DNAAF9: variants seen among roughly 807,000 people sequenced by gnomAD.
DNAAF9 encodes the protein dynein axonemal assembly factor 9.
In DNAAF9, 90 loss-of-function variants were observed where a neutral mutation model predicts 167.0. The ratio of observed to expected loss-of-function variants is 0.54; its 90% confidence interval spans 0.45 to 0.64. The LOEUF (loss-of-function observed/expected upper bound fraction) is 0.64. DNAAF9 is among the 30% of genes least tolerant of loss of function. The pLI, the probability that DNAAF9 is intolerant of heterozygous loss-of-function variation, is 0.00. For synonymous variants in DNAAF9, 491 were observed against 508.8 expected (o/e 0.96, Z 0.47); for missense variants, 1,315 against 1,442.2 (o/e 0.91, Z 1.43).
At position 3,251,436 on chromosome 20, in the gene DNAAF9, G is replaced by A. The variant is rs1183377640; in HGVS notation, c.*1136C>T. ...ACATCACCTAAATATCAGTGGCTGT[G>A]ACTCCCCTGTCCCCCACACCAATTA... On this transcript the variant is annotated 3_prime_UTR_variant, in exon 37 of 37. Transcript: ENST00000252032. 7 of 152,208 alleles carry A rather than the reference G, an allele frequency of 4.6e-5. No homozygotes were observed. Among genetic ancestry groups the A allele is most frequent in the African/African-American group, 1.7e-4 (7 of 41,428 alleles). The allele number at this position is 152,208 out of a possible 1,614,324, so 9.4% of individuals were successfully genotyped here.
At chr20:3,285,753 C>A (rs1049437438) in intron 27 of DNAAF9, among the ~76,000 whole-genome samples, 2 of 148,912 alleles carry the variant, frequency 1.3e-5, no homozygotes, top group Non-Finnish European at 3.0e-5. Context: ...CTGAGGTGGG[C>A]GGATCACCTG....
rs200482073 is a variant in DNAAF9 at position 3,294,208 on chromosome 20, C to T, written c.2169G>A (p.Met723Ile). The change falls in exon 25 of 37, where the codon ATG (methionine) becomes ATA (isoleucine). Residue 723 changes from methionine (M) to isoleucine (I), a missense_variant. By Grantham distance (10) the Met-to-Ile change is conservative. This residue lies in a region of DNAAF9 where 981 missense variants were observed against 1,012.5 expected (regional missense o/e 0.97). Coordinates refer to ENST00000252032, the MANE Select transcript of DNAAF9 (RefSeq NM_001009984.3). ...GCAGCAGCACAGGAAGATGGGTCCG[C>T]ATCACAGGCTCCTGGCTAATGCTGC... Reference protein sequence around the residue: ...AISSISQEPVMRTHLPVLLQQ... With the variant: ...AISSISQEPVIRTHLPVLLQQ... 17 of 1,613,502 alleles carry T rather than the reference C, an allele frequency of 1.1e-5. No individual in the cohort carries two copies. The East Asian group carries it at 3.8e-4, about 36-fold the overall frequency.
chr20:3,310,157 A>G (rs1293763616), intron 20 of DNAAF9, among the ~76,000 whole-genome samples: 1 of 151,728 alleles, frequency 6.6e-6, no homozygotes, highest in African/African-American at 2.4e-5. Context: ...GTGCCATTGC[A>G]CTCTAGCCCA....
intron 30 of DNAAF9, among the ~76,000 whole-genome samples, chr20:3,267,130 G>A (rs1030775176): frequency 2.6e-5 from 4 of 152,184 alleles, no homozygotes; most frequent in Admixed American, 1.3e-4. Flanking sequence ...GGGATTACAG[G>A]TGTGAGCCAC....
At chr20:3,316,855 C>A in intron 17 of DNAAF9, 62 bp from the exon 18 acceptor site, 1 of 1,190,208 alleles carries the variant, frequency 8.4e-7, no homozygotes, top group Non-Finnish European at 1.2e-6. Context: ...CTTGCAGGCC[C>A]CAGACCCTAA....
intron 1 of DNAAF9, among the ~76,000 whole-genome samples, chr20:3,405,419 A>G (rs896768417): frequency 6.6e-6 from 1 of 152,206 alleles, no homozygotes; most frequent in Non-Finnish European, 1.5e-5. Context: ...AGTAACATTC[A>G]ATGTCAAGAG....
At chr20:3,275,425 C>T (rs2068660753) in intron 29 of DNAAF9, among the ~76,000 whole-genome samples, 1 of 152,164 alleles carries the variant, frequency 6.6e-6, no homozygotes, top group African/African-American at 2.4e-5. Context: ...GCCTGGCCTG[C>T]CCAAGAAAAG....
At chr20:3,316,560 T>C (rs1329549817) in intron 18 of DNAAF9, among the ~76,000 whole-genome samples, 163 bp downstream of exon 18, 1 of 152,212 alleles carries the variant, frequency 6.6e-6, no homozygotes, top group Admixed American at 6.5e-5. Context: ...ACTATGTTCA[T>C]TTGTATAAAG....
chr20:3,310,949 A>C (rs2069404004), intron 20 of DNAAF9, among the ~76,000 whole-genome samples: 1 of 152,214 alleles, frequency 6.6e-6, no homozygotes, highest in Non-Finnish European at 1.5e-5. Flanking sequence ...TGCTGCTGGA[A>C]GTATAATTTG....
intron 17 of DNAAF9, 32 bp from the exon 18 acceptor site, chr20:3,316,825 T>C (rs1386778659): frequency 6.4e-7 from 1 of 1,560,362 alleles, no homozygotes; most frequent in Admixed American, 1.7e-5. Context: ...GCCAGTTAAT[T>C]CCCTACCAGC....
chr20:3,372,681 G>A, intron 6 of DNAAF9, among the ~76,000 whole-genome samples: 1 of 152,178 alleles, frequency 6.6e-6, no homozygotes, highest in Middle Eastern at 3.2e-3. Context: ...AGGAGCACAG[G>A]CTCTGAAACC....
At chr20:3,322,503 G>C (rs2069634329) in intron 15 of DNAAF9, 149 bp downstream of exon 15, 1 of 778,736 alleles carries the variant, frequency 1.3e-6, no homozygotes. Context: ...CAGGGGCTCA[G>C]CTGAGCACAG....
intron 8 of DNAAF9, among the ~76,000 whole-genome samples, chr20:3,344,628 C>T (rs1426202262): frequency 7.9e-6 from 1 of 126,022 alleles, no homozygotes; most frequent in Non-Finnish European, 1.7e-5. Flanking sequence ...CACACACACA[C>T]ACACACACAC....
At position 3,252,487 on chromosome 20, in the gene DNAAF9, G is replaced by C. The variant is rs41281876; in HGVS notation, c.*85C>G. 0.025 allele frequency: 19,175 copies of C among 778,540 alleles called. 735 individuals carry two copies. Among genetic ancestry groups the C allele is most frequent in the East Asian group, 0.14 (5,849 of 40,858 alleles). 48.2% of individuals were successfully genotyped at this position (778,540 alleles called of 1,614,324 possible). On this transcript the variant is annotated 3_prime_UTR_variant, in exon 37 of 37. Coordinates refer to ENST00000252032, the MANE Select transcript of DNAAF9 (RefSeq NM_001009984.3). ...AACAAAGACAGCCCCTTAAGGGAGA[G>C]GCCTCCAGCAGAGCTGAGGTTAAGA...
intron 1 of DNAAF9, among the ~76,000 whole-genome samples, chr20:3,387,709 T>C (rs1430343406): frequency 6.6e-6 from 1 of 151,660 alleles, no homozygotes; most frequent in African/African-American, 2.4e-5. Flanking sequence ...ACAACCCATC[T>C]ATATAACTCA....
chr20:3,354,184 T>C (rs1418259460), intron 7 of DNAAF9, among the ~76,000 whole-genome samples: 3 of 152,222 alleles, frequency 2.0e-5, no homozygotes, highest in Non-Finnish European at 2.9e-5. Flanking sequence ...GAAAAATATC[T>C]AGACAAAAGA....
chr20:3,389,642 T>TA (rs2083798520), intron 1 of DNAAF9, among the ~76,000 whole-genome samples: 1 of 151,746 alleles, frequency 6.6e-6, no homozygotes, highest in African/African-American at 2.4e-5. Context: ...AAGTCAGCAT[T>TA]ATATAAAACA....
chr20:3,348,074 C>T (rs2070231387), intron 8 of DNAAF9, among the ~76,000 whole-genome samples: 1 of 152,154 alleles, frequency 6.6e-6, no homozygotes, highest in Non-Finnish European at 1.5e-5. Context: ...TCCTTGGATC[C>T]TTCCTGCTGA....
At position 3,253,710 on chromosome 20, in the gene DNAAF9, G is replaced by A. The variant is rs772232719; in HGVS notation, c.3421+16C>T. On this transcript the variant is annotated intron_variant, in intron 36 of 36. Transcript: ENST00000252032. ...TGCCCGGGTTCCACACAGGGACCAC[G>A]CTGTTCCAAGGATACGTGGGTGAAA... is the stretch of plus-strand genomic sequence containing the variant. The A allele has an allele frequency of 8.0e-6, 12 of 1,509,010 alleles. No individual in the cohort carries two copies. The highest frequency in any genetic ancestry group is 3.3e-5 in the Admixed American group (2 of 59,810). 93.5% of individuals were successfully genotyped at this position (1,509,010 alleles called of 1,614,324 possible).
Sources: allele counts gnomAD v4.1 joint callset (sites outside exome capture counted in the v4.1 genomes callset), GRCh38; gene constraint gnomAD v4.1.1; regional missense constraint gnomAD v4.1.1; transcripts MANE v1.5; gene names NCBI Gene and HGNC (gene_info 2026-07-23, HGNC 2026-07-21).